The following PTPRD variants were observed in gnomAD, a reference collection of about 807,000 sequenced individuals.
PTPRD encodes the protein receptor-type tyrosine-protein phosphatase delta.
In PTPRD, 34 loss-of-function variants were observed where a neutral mutation model predicts 214.5. That is an observed-to-expected ratio of 0.16 (90% CI 0.12 to 0.21). The LOEUF is 0.21. Ranked by LOEUF, PTPRD falls within the 10% of genes least tolerant of loss-of-function variation. The pLI is 1.00. For missense variants in PTPRD, 2,545 were observed against 2,398.7 expected, an observed-to-expected ratio of 1.06 and a Z score of -1.27; for synonymous variants, 1,128 against 845.7, an observed-to-expected ratio of 1.33 and a Z score of -5.79.
chr9:8,369,923 T>A (rs549910131), intron 39 of PTPRD, among the ~76,000 whole-genome samples: 1 of 152,086 alleles, frequency 6.6e-6, no homozygotes, highest in Admixed American at 6.6e-5. Flanking sequence ...AGCAAATCAG[T>A]TGTCATGTCC....
intron 11 of PTPRD, among the ~76,000 whole-genome samples, chr9:8,960,362 C>G (rs925183015): frequency 4.6e-5 from 7 of 151,968 alleles, no homozygotes; most frequent in African/African-American, 1.7e-4. Context: ...ACTGGGCTGC[C>G]ATACTTAGGA....
At chr9:9,782,391 T>C (rs1208471430) in intron 5 of PTPRD, among the ~76,000 whole-genome samples, 1 of 152,186 alleles carries the variant, frequency 6.6e-6, no homozygotes, top group African/African-American at 2.4e-5. Flanking sequence ...CTATGATTGT[T>C]CATTGATTGA....
chr9:9,161,585 A>G (rs1419164196), intron 10 of PTPRD, among the ~76,000 whole-genome samples: 2 of 152,132 alleles, frequency 1.3e-5, no homozygotes, highest in African/African-American at 2.4e-5. Context: ...TGAAAACTAC[A>G]AAATAAAATA....
chr9:10,144,075 A>G (rs112032186), intron 3 of PTPRD, among the ~76,000 whole-genome samples: 6 of 152,276 alleles, frequency 3.9e-5, no homozygotes, highest in African/African-American at 1.2e-4. Flanking sequence ...AATTAATAAA[A>G]TTAACATTTC....
At chr9:9,909,002 T>G (rs1174139220) in intron 5 of PTPRD, among the ~76,000 whole-genome samples, 1 of 151,992 alleles carries the variant, frequency 6.6e-6, no homozygotes, top group Non-Finnish European at 1.5e-5. Flanking sequence ...GATCATATAT[T>G]AACATCATAT....
At chr9:10,202,670 G>GTATATATATATA (rs2099431292) in intron 3 of PTPRD, among the ~76,000 whole-genome samples, 1 of 40,136 alleles carries the variant, frequency 2.5e-5, no homozygotes, top group African/African-American at 2.0e-4. Context: ...AAAATTATAT[G>GTATATATATATA]GATATATATA....
At chr9:10,547,232 T>C (rs771874629) in intron 2 of PTPRD, among the ~76,000 whole-genome samples, 3 of 152,168 alleles carry the variant, frequency 2.0e-5, no homozygotes, top group African/African-American at 4.8e-5. Context: ...CAAATTGTTC[T>C]CATTTTACAA....
intron 4 of PTPRD, among the ~76,000 whole-genome samples, chr9:10,027,360 C>T (rs374394064): frequency 6.6e-6 from 1 of 152,206 alleles, no homozygotes. Flanking sequence ...CAGAATTTGA[C>T]CTTTTCCAAG....
intron 3 of PTPRD, among the ~76,000 whole-genome samples, chr9:10,201,655 T>C (rs2099423838): frequency 6.6e-6 from 1 of 152,008 alleles, no homozygotes; most frequent in Non-Finnish European, 1.5e-5. Context: ...ATTATTTTGC[T>C]TCCATATCTT....
chr9:9,994,535 T>TTA (rs1410436008), intron 4 of PTPRD, among the ~76,000 whole-genome samples: 2 of 152,082 alleles, frequency 1.3e-5, no homozygotes, highest in Admixed American at 1.3e-4. Flanking sequence ...AACTCAGCTG[T>TTA]TATAACACAA....
intron 10 of PTPRD, among the ~76,000 whole-genome samples, chr9:9,084,286 G>C (rs2099763689): frequency 6.6e-6 from 1 of 152,122 alleles, no homozygotes; most frequent in Non-Finnish European, 1.5e-5. Flanking sequence ...ATCATTCTCA[G>C]CAAACTAATA....
chr9:9,194,549 G>A (rs997898596), intron 9 of PTPRD, among the ~76,000 whole-genome samples: 1 of 152,096 alleles, frequency 6.6e-6, no homozygotes, highest in East Asian at 1.9e-4. Context: ...AATCTCATGG[G>A]ACCACTGTCA....
rs182666974 is a variant in PTPRD at position 10,067,089 on chromosome 9, C to T, written c.-544-33299G>A. 3.3e-5 allele frequency among the ~76,000 whole-genome samples: 5 copies of T among 151,976 alleles called. No individual in the cohort carries two copies. In the East Asian group the frequency reaches 9.7e-4, roughly 30 times the overall value. On this transcript the variant is annotated intron_variant, in intron 3 of 45. Transcript: ENST00000381196. ...GTGATGTTGGTGGCACTATTCTCTC[C>T]AAGTAAGTACTAATGGATGGTCCAG...
Position 8,713,807 on chromosome 9 carries a change from G to A in PTPRD, c.64+19973C>T, listed in dbSNP as rs919164828. On this transcript the variant is annotated intron_variant, in intron 12 of 45. Transcript: ENST00000381196. ...GTCCTGCGCCTTCAGCACAAGCCAC[G>A]ATTCACCACCAAGAGGCCCAACACC... 6 of 1,534,544 alleles carry A rather than the reference G, an allele frequency of 3.9e-6. No homozygotes were observed. In the African/African-American group the frequency reaches 4.1e-5, roughly 10 times the overall value.
chr9:9,145,518 A>G (rs1299833894), intron 10 of PTPRD, among the ~76,000 whole-genome samples: 1 of 152,206 alleles, frequency 6.6e-6, no homozygotes, highest in East Asian at 1.9e-4. Context: ...TAAGTTAAAT[A>G]TAAGAATAAA....
chr9:8,704,110 A>G (rs969728563), intron 12 of PTPRD, among the ~76,000 whole-genome samples: 7 of 152,228 alleles, frequency 4.6e-5, no homozygotes, highest in African/African-American at 1.7e-4. Context: ...AGCCACCATA[A>G]GAGTAGGGGC....
At chr9:9,555,382 G>A (rs964964575) in intron 8 of PTPRD, among the ~76,000 whole-genome samples, 3 of 151,976 alleles carry the variant, frequency 2.0e-5, no homozygotes, top group African/African-American at 7.2e-5. Context: ...ACCAGAAAAA[G>A]GGAGAAAGCT....
chr9:8,670,254 T>C (rs978105626), intron 12 of PTPRD, among the ~76,000 whole-genome samples: 1 of 152,152 alleles, frequency 6.6e-6, no homozygotes, highest in South Asian at 2.1e-4. Context: ...TTTAGACTTG[T>C]TCGTCCTATA....
intron 2 of PTPRD, among the ~76,000 whole-genome samples, chr9:10,447,993 TGTGA>T (rs145311993): frequency 0.014 from 2,190 of 152,094 alleles, 76 homozygotes; most frequent in African/African-American, 0.047. Context: ...AATCACTGTG[TGTGA>T]GTGTGTGTGT....
Sources: gnomAD v4.1 joint callset for allele counts (sites outside exome capture counted in the v4.1 genomes callset) on GRCh38, gnomAD v4.1.1 for gene constraint, MANE v1.5 for transcripts, NCBI Gene and HGNC (gene_info 2026-07-23, HGNC 2026-07-21) for gene names.